The following GNAL variants were observed in gnomAD, a reference collection of about 807,000 sequenced individuals.
GNAL encodes guanine nucleotide-binding protein G(olf) subunit alpha.
In GNAL, 18 loss-of-function variants were observed where a neutral mutation model predicts 55.1. The observed-to-expected ratio is 0.33, with a 90% CI of 0.23 to 0.48. GNAL has a LOEUF of 0.48. Ranked by LOEUF, GNAL falls within the 20% of genes least tolerant of loss-of-function variation. The probability of loss-of-function intolerance (pLI) is 0.99; values close to 1 mark genes in which losing one functional copy is unlikely to be tolerated. For synonymous variants in GNAL, 253 were observed against 237.0 expected, an observed-to-expected ratio of 1.07 and a Z score of -0.62; for missense variants, 412 against 614.1, an observed-to-expected ratio of 0.67 and a Z score of 3.48.
chr18:11,849,680 G>A (rs145926934), intron 5 of GNAL, among the ~76,000 whole-genome samples: 51 of 152,248 alleles, frequency 3.3e-4, no homozygotes, highest in Non-Finnish European at 6.9e-4. Context: ...ACTTTGAACA[G>A]ATTTCTTCCC....
intron 5 of GNAL, among the ~76,000 whole-genome samples, chr18:11,828,681 G>A (rs990272505): frequency 6.6e-6 from 1 of 151,564 alleles, no homozygotes; most frequent in Non-Finnish European, 1.5e-5. Flanking sequence ...AAATGGACAA[G>A]TTATTCCTGC....
At chr18:11,799,749 C>CTT (rs2034475108) in intron 4 of GNAL, among the ~76,000 whole-genome samples, 1 of 152,164 alleles carries the variant, frequency 6.6e-6, no homozygotes, top group Admixed American at 6.5e-5. Context: ...GCCTGTACTA[C>CTT]TTTTGCATAT....
chr18:11,769,843 A>C (rs1207426497), intron 4 of GNAL, among the ~76,000 whole-genome samples: 1 of 152,194 alleles, frequency 6.6e-6, no homozygotes, highest in Non-Finnish European at 1.5e-5. Context: ...AAATATACAC[A>C]CACACATGCA....
rs1477273256 is a variant in GNAL at position 11,689,975 on chromosome 18, G to A, written c.376+36G>A. ...GCCGCGAGGTCGGCTGACGCCCCGG[G>A]GACAGCGCGCCGGGCCCGCGGGGGC... On this transcript the variant is annotated intron_variant, in intron 1 of 11. Transcript: ENST00000334049. 30 of 1,186,152 alleles carry A rather than the reference G, an allele frequency of 2.5e-5. 1 individual carries two copies. The South Asian group carries it at 1.0e-3, about 41-fold the overall frequency. The allele number at this position is 1,186,152 out of a possible 1,614,324, so 73.5% of individuals were successfully genotyped here.
chr18:11,717,228 G>A (rs1301154087), intron 1 of GNAL, among the ~76,000 whole-genome samples: 3 of 152,302 alleles, frequency 2.0e-5, no homozygotes, highest in East Asian at 1.9e-4. Flanking sequence ...CGGAGCCCAC[G>A]CCCACCCGGA....
intron 5 of GNAL, chr18:11,851,360 T>C: frequency 9.8e-7 from 1 of 1,019,718 alleles, no homozygotes; most frequent in Non-Finnish European, 1.4e-6. Context: ...CCTTTGGCGC[T>C]GGGCTCTGAC....
At chr18:11,787,236 G>A (rs1282905926) in intron 4 of GNAL, among the ~76,000 whole-genome samples, 1 of 152,142 alleles carries the variant, frequency 6.6e-6, no homozygotes, top group Non-Finnish European at 1.5e-5. Context: ...AAAAGGAAAA[G>A]GAAAGCAAGA....
At chr18:11,767,683 C>T (rs184905650) in intron 4 of GNAL, among the ~76,000 whole-genome samples, 21 of 152,264 alleles carry the variant, frequency 1.4e-4, no homozygotes, top group East Asian at 7.7e-4. Flanking sequence ...TGCACAATTG[C>T]GCTCTGTGCA....
Position 11,882,442 on chromosome 18 carries a change from C to CTT in GNAL, c.*1309_*1310dup, listed in dbSNP as rs958149630. The CTT allele has an allele frequency of 6.6e-6, 1 of 152,250 alleles. No individual in the cohort carries two copies. The highest frequency in any genetic ancestry group is 6.6e-5 in the Admixed American group (1 of 15,258). The allele number at this position is 152,250 out of a possible 1,614,324, so 9.4% of individuals were successfully genotyped here. A position where few individuals can be genotyped will look rare whatever the true frequency, so the allele number is the denominator to read the frequency against. ...GTGGCTCACGCCTGTAATCCCAGCACTTTGGGAGGCCGAGGCAGGCGGATC... is the reference window on the plus strand; with the variant it reads ...GTGGCTCACGCCTGTAATCCCAGCACTTTTTGGGAGGCCGAGGCAGGCGGATC... On this transcript the variant is annotated 3_prime_UTR_variant, in exon 12 of 12. Transcript: ENST00000334049.
intron 1 of GNAL, among the ~76,000 whole-genome samples, chr18:11,726,559 G>A (rs1567999841): frequency 6.6e-6 from 1 of 152,178 alleles, no homozygotes; most frequent in African/African-American, 2.4e-5. Context: ...CGCGCCCTGG[G>A]GTTTCTTCTC....
chr18:11,880,294 C>A (rs1048532286), intron 11 of GNAL, among the ~76,000 whole-genome samples: 1 of 149,348 alleles, frequency 6.7e-6, no homozygotes, highest in Non-Finnish European at 1.5e-5. Flanking sequence ...TTAGGTGGGG[C>A]ACAGTGGCTC....
chr18:11,765,980 G>C (rs895053098), intron 4 of GNAL, among the ~76,000 whole-genome samples: 1 of 152,146 alleles, frequency 6.6e-6, no homozygotes, highest in Non-Finnish European at 1.5e-5. Flanking sequence ...TTAAGTATTA[G>C]AGCATTTTGT....
chr18:11,716,242 C>T (rs946968814), intron 1 of GNAL, among the ~76,000 whole-genome samples: 1 of 152,180 alleles, frequency 6.6e-6, no homozygotes, highest in African/African-American at 2.4e-5. Flanking sequence ...CGCGGACCCT[C>T]GCGGTGAGTG....
At chr18:11,865,607 T>C (rs76770515) in intron 7 of GNAL, among the ~76,000 whole-genome samples, 1 of 135,836 alleles carries the variant, frequency 7.4e-6, no homozygotes, top group Non-Finnish European at 1.6e-5. Context: ...AAAAAAAAAT[T>C]AGCCAAGCTT....
At chr18:11,820,425 A>G (rs973495114) in intron 4 of GNAL, among the ~76,000 whole-genome samples, 1 of 152,166 alleles carries the variant, frequency 6.6e-6, no homozygotes, top group Non-Finnish European at 1.5e-5. Flanking sequence ...GTGTTTATGT[A>G]TTTTTTAGTT....
rs1331899378 is a variant in GNAL, at chr18:11,752,335, G to A, written c.377-518G>A. 6.7e-7 allele frequency: 1 copy of A among 1,487,588 alleles called. No homozygotes were observed. The highest frequency in any genetic ancestry group is 1.4e-5 in the South Asian group (1 of 70,706). 92.1% of individuals were successfully genotyped at this position (1,487,588 alleles called of 1,614,324 possible). On this transcript the variant is annotated intron_variant, in intron 1 of 11. Transcript: ENST00000334049. The surrounding 1 kb of genome is among the most constrained non-coding windows in gnomAD (Gnocchi z 4.5). ...ACCAGACCATCTCTTTCAGCAGCAG[G>A]AAAGAGAGGAGCCGTCGCAGGAGCC...
chr18:11,793,911 GA>G (rs76942749), intron 4 of GNAL, among the ~76,000 whole-genome samples: 9,013 of 106,334 alleles, frequency 0.085, 375 homozygotes, highest in African/African-American at 0.15. Context: ...TCCATCTCGG[GA>G]AAAAAAAAAA....
At chr18:11,867,338 ATT>A in intron 8 of GNAL, 112 bp downstream of exon 8, 2 of 730,370 alleles carry the variant, frequency 2.7e-6, no homozygotes, top group Non-Finnish European at 4.8e-6. Flanking sequence ...AAAGTATAGC[ATT>A]TATAGATTAT....
chr18:11,860,094 A>C (rs914275563), intron 5 of GNAL, among the ~76,000 whole-genome samples: 5 of 151,680 alleles, frequency 3.3e-5, no homozygotes, highest in Admixed American at 1.3e-4. Flanking sequence ...CACAGACACC[A>C]CTCCCATAGC....
Sources: gnomAD v4.1 joint callset for allele counts (sites outside exome capture counted in the v4.1 genomes callset) on GRCh38, gnomAD v4.1.1 for gene constraint, Gnocchi (gnomAD v3.1) non-coding constraint, MANE v1.5 for transcripts, NCBI Gene and HGNC (gene_info 2026-07-23, HGNC 2026-07-21) for gene names.